BCKDHB: variants seen among roughly 807,000 people sequenced by gnomAD.
BCKDHB encodes the protein 2-oxoisovalerate dehydrogenase subunit beta, mitochondrial.
A neutral mutation model predicts 48.5 loss-of-function variants in BCKDHB; 41 were observed. The observed-to-expected ratio is 0.85, with a 90% CI of 0.66 to 1.10. The LOEUF is 1.10. BCKDHB is among the 50% of genes least tolerant of loss of function. The pLI is 0.00. For missense variants in BCKDHB, 496 were observed against 494.2 expected, an observed-to-expected ratio of 1.00 and a Z score of -0.03; for synonymous variants, 201 against 174.8, an observed-to-expected ratio of 1.15 and a Z score of -1.18.
chr6:80,108,695 A>G (rs1769259847), intron 1 of BCKDHB, among the ~76,000 whole-genome samples: 1 of 151,976 alleles, frequency 6.6e-6, no homozygotes, highest in Non-Finnish European at 1.5e-5. Flanking sequence ...CCCGGTCTCT[A>G]CCAAAAATAC....
chr6:80,169,511 T>C (rs545243552), intron 5 of BCKDHB, among the ~76,000 whole-genome samples: 2 of 152,294 alleles, frequency 1.3e-5, no homozygotes, highest in South Asian at 4.1e-4. Flanking sequence ...ATTTTTTTTT[T>C]CTGTTTAAAG....
At position 80,203,085 on chromosome 6, in the gene BCKDHB, T is replaced by G; in HGVS notation, c.841-17T>G. 6.4e-7 allele frequency: 1 copy of G among 1,560,522 alleles called. No individual in the cohort carries two copies. Among genetic ancestry groups the G allele is most frequent in the Non-Finnish European group, 8.8e-7 (1 of 1,131,644 alleles). Reference sequence around the variant, plus strand: ...ACCTTTGTAGTCATTCTCTGCATATTTTTCTCTTTATTTCAGGTTCATGTG... The same window carrying G: ...ACCTTTGTAGTCATTCTCTGCATATGTTTCTCTTTATTTCAGGTTCATGTG... On this transcript the variant is annotated splice_polypyrimidine_tract_variant and intron_variant, in intron 7 of 9. Transcript: ENST00000320393.
At chr6:80,372,783 A>G in the BCKDHB span, among the ~76,000 whole-genome samples, 1 of 152,100 alleles carries the variant, frequency 6.6e-6, no homozygotes, top group Non-Finnish European at 1.5e-5. Flanking sequence ...CAATCCCTGC[A>G]TCTCTGGAAT....
At chr6:80,405,623 C>T in the BCKDHB span, among the ~76,000 whole-genome samples, 1 of 84,558 alleles carries the variant, frequency 1.2e-5, no homozygotes, top group Non-Finnish European at 3.0e-5. Context: ...TTCTTGCTGT[C>T]TTGATGATTT....
chr6:80,342,950 T>C (rs1373188551), intron 9 of BCKDHB, among the ~76,000 whole-genome samples: 2 of 152,204 alleles, frequency 1.3e-5, no homozygotes, highest in African/African-American at 4.8e-5. Flanking sequence ...ATTGGGCAAC[T>C]ACAATGGATT....
chr6:80,129,335 G>A (rs1314895405), intron 3 of BCKDHB, 106 bp downstream of exon 3: 9 of 892,044 alleles, frequency 1.0e-5, no homozygotes, highest in Non-Finnish European at 1.5e-5. Flanking sequence ...CCATTGTATG[G>A]ATGAATTCCT....
chr6:80,129,818 T>C (rs1770540506), intron 3 of BCKDHB, among the ~76,000 whole-genome samples: 1 of 152,178 alleles, frequency 6.6e-6, no homozygotes, highest in Admixed American at 6.5e-5. Flanking sequence ...ATTGATTGTA[T>C]GAAGCCTACC....
intron 8 of BCKDHB, among the ~76,000 whole-genome samples, chr6:80,245,085 G>GT (rs1776554200): frequency 3.5e-5 from 1 of 28,396 alleles, no homozygotes; most frequent in Non-Finnish European, 6.8e-5. Context: ...TATCTTCTGT[G>GT]ATTTTTTTTT....
At chr6:80,283,362 A>G (rs954498158) in intron 9 of BCKDHB, among the ~76,000 whole-genome samples, 1 of 152,050 alleles carries the variant, frequency 6.6e-6, no homozygotes, top group Non-Finnish European at 1.5e-5. Context: ...AAAAAAGATC[A>G]TATTTCATCT....
chr6:80,156,204 A>G (rs961283923), intron 3 of BCKDHB, among the ~76,000 whole-genome samples: 6 of 151,884 alleles, frequency 4.0e-5, no homozygotes, highest in Non-Finnish European at 8.8e-5. Flanking sequence ...TTGAGAAGGT[A>G]ATATAAGCTT....
chr6:80,109,079 A>T (rs1769281445), intron 1 of BCKDHB, among the ~76,000 whole-genome samples: 1 of 152,228 alleles, frequency 6.6e-6, no homozygotes, highest in Non-Finnish European at 1.5e-5. Context: ...TCCATGGAGT[A>T]GAGATGCTAC....
chr6:80,399,699 C>T, the BCKDHB span, among the ~76,000 whole-genome samples: 1 of 152,048 alleles, frequency 6.6e-6, no homozygotes, highest in Admixed American at 6.6e-5. Flanking sequence ...TAACACTATT[C>T]CTATAAAATT....
chr6:80,171,715 GTA>G (rs1313154740), intron 6 of BCKDHB, among the ~76,000 whole-genome samples: 2 of 152,078 alleles, frequency 1.3e-5, no homozygotes, highest in African/African-American at 4.8e-5. Flanking sequence ...TTACTAAATA[GTA>G]TATGTTTCCT....
At chr6:80,187,965 T>C (rs1773723291) in intron 6 of BCKDHB, among the ~76,000 whole-genome samples, 1 of 152,156 alleles carries the variant, frequency 6.6e-6, no homozygotes, top group African/African-American at 2.4e-5. Flanking sequence ...AACCCAGCAA[T>C]CCCATTATTG....
the BCKDHB span, among the ~76,000 whole-genome samples, chr6:80,410,936 CCTACTTCTGT>C: frequency 6.6e-6 from 1 of 152,196 alleles, no homozygotes; most frequent in Non-Finnish European, 1.5e-5. Flanking sequence ...CCTTCTGAAG[CCTACTTCTGT>C]CAACTTGTCA....
At chr6:80,153,891 A>G (rs1771912767) in intron 3 of BCKDHB, among the ~76,000 whole-genome samples, 1 of 152,174 alleles carries the variant, frequency 6.6e-6, no homozygotes, top group South Asian at 2.1e-4. Flanking sequence ...CCATGCTTTT[A>G]AGCACTGTAG....
intron 1 of BCKDHB, among the ~76,000 whole-genome samples, chr6:80,117,727 C>T (rs1006430583): frequency 1.3e-5 from 2 of 152,230 alleles, no homozygotes; most frequent in Non-Finnish European, 2.9e-5. Flanking sequence ...CCCAGCCCAT[C>T]CCTTTGTTTC....
chr6:80,307,951 C>G, intron 9 of BCKDHB: 8 of 960,084 alleles, frequency 8.3e-6, no homozygotes, highest in Non-Finnish European at 9.9e-6. Flanking sequence ...TCAATTTAAT[C>G]TAGCAAAAAA....
At chr6:80,264,036 G>A (rs982298445) in intron 8 of BCKDHB, among the ~76,000 whole-genome samples, 32 of 152,090 alleles carry the variant, frequency 2.1e-4, no homozygotes, top group African/African-American at 7.7e-4. Context: ...AAAGAACAAA[G>A]GAGTTGAAAT....
Sources: gnomAD v4.1 joint callset for allele counts (sites outside exome capture counted in the v4.1 genomes callset) on GRCh38, gnomAD v4.1.1 for gene constraint, MANE v1.5 for transcripts, NCBI Gene and HGNC (gene_info 2026-07-23, HGNC 2026-07-21) for gene names.